MEGF11: variants seen among roughly 807,000 people sequenced by gnomAD.
MEGF11 encodes multiple epidermal growth factor-like domains protein 11.
MEGF11 carries 126 observed loss-of-function variants against 146.6 expected under a neutral mutation model. The ratio of observed to expected loss-of-function variants is 0.86; its 90% CI spans 0.74 to 1.00. The LOEUF is 1.00. Ranked by LOEUF, MEGF11 falls within the 50% of genes least tolerant of loss-of-function variation. The probability of loss-of-function intolerance (pLI) is 0.00; values close to 1 mark genes in which losing one functional copy is unlikely to be tolerated. For synonymous variants in MEGF11, 532 were observed against 583.4 expected, an observed-to-expected ratio of 0.91 and a Z score of 1.27; for missense variants, 1,509 against 1,521.2, an observed-to-expected ratio of 0.99 and a Z score of 0.13.
At chr15:66,081,059 C>T (rs960104679) in intron 5 of MEGF11, among the ~76,000 whole-genome samples, 7 of 152,246 alleles carry the variant, frequency 4.6e-5, no homozygotes, top group African/African-American at 1.4e-4. Context: ...TCTGCACACC[C>T]ACTGCACGCA....
chr15:66,082,955 C>G lies in MEGF11; in HGVS notation c.394+11447G>C, dbSNP rs559772665. ...TCTCCTTTTGGGACCCCTCACCTGT[C>G]CCAGGCCAGGGGCAGGGACCCAGGC... On this transcript the variant is annotated intron_variant, in intron 5 of 25. Coordinates refer to ENST00000395614, the MANE Select transcript of MEGF11 (RefSeq NM_001385028.1). Among the ~76,000 whole-genome samples, 10 of 152,278 alleles carry G rather than the reference C, an allele frequency of 6.6e-5. No homozygotes were observed. The South Asian group carries it at 1.9e-3, about 28-fold the overall frequency.
At chr15:65,993,642 G>A (rs2082119567) in intron 5 of MEGF11, among the ~76,000 whole-genome samples, 2 of 152,198 alleles carry the variant, frequency 1.3e-5, no homozygotes, top group African/African-American at 4.8e-5. Flanking sequence ...GTCTCAGGCT[G>A]TGTGGGGGCG....
intron 9 of MEGF11, among the ~76,000 whole-genome samples, chr15:65,959,149 C>T (rs148713428): frequency 6.6e-6 from 1 of 152,306 alleles, no homozygotes; most frequent in Non-Finnish European, 1.5e-5. Context: ...ACTGATTTAT[C>T]ATCTGTCTTC....
intron 1 of MEGF11, among the ~76,000 whole-genome samples, chr15:66,163,821 T>G (rs1036442439): frequency 6.6e-6 from 1 of 152,228 alleles, no homozygotes; most frequent in Non-Finnish European, 1.5e-5. Flanking sequence ...ATCAGTCCTC[T>G]GGGCCTCACC....
chr15:66,166,233 C>T (rs1026267798), intron 1 of MEGF11, among the ~76,000 whole-genome samples: 1 of 152,134 alleles, frequency 6.6e-6, no homozygotes, highest in Admixed American at 6.5e-5. Context: ...CCATGGGGAG[C>T]TCACCACCAT....
intron 1 of MEGF11, among the ~76,000 whole-genome samples, chr15:66,135,542 C>T (rs1314621202): frequency 6.6e-6 from 1 of 152,136 alleles, no homozygotes; most frequent in Admixed American, 6.5e-5. Context: ...CCCCTCCCTG[C>T]AGGAAGAGGC....
At chr15:66,086,830 T>C (rs1216992034) in intron 5 of MEGF11, among the ~76,000 whole-genome samples, 2 of 152,200 alleles carry the variant, frequency 1.3e-5, no homozygotes, top group African/African-American at 4.8e-5. Flanking sequence ...ACCTCACATT[T>C]CAATACTAAC....
intron 4 of MEGF11, among the ~76,000 whole-genome samples, chr15:66,095,645 C>A (rs1050699747): frequency 1.3e-5 from 2 of 152,180 alleles, no homozygotes; most frequent in Non-Finnish European, 2.9e-5. Flanking sequence ...CAGAAACTGA[C>A]CCCGAAGCTG....
chr15:66,140,350 T>C (rs2089085711), intron 1 of MEGF11, among the ~76,000 whole-genome samples: 2 of 152,336 alleles, frequency 1.3e-5, no homozygotes, highest in African/African-American at 4.8e-5. Flanking sequence ...TCCAACTCAG[T>C]AGGAAATTCA....
intron 4 of MEGF11, among the ~76,000 whole-genome samples, chr15:66,095,564 G>A (rs1175030287): frequency 6.6e-6 from 1 of 152,224 alleles, no homozygotes; most frequent in African/African-American, 2.4e-5. Context: ...ATGCCCACTG[G>A]GAAGATGCTG....
rs147366824 is a variant in MEGF11, at chr15:66,108,860, A to T, written c.301+10226T>A. On this transcript the variant is annotated intron_variant, in intron 4 of 25. Coordinates refer to ENST00000395614, the MANE Select transcript of MEGF11 (RefSeq NM_001385028.1). ...AGAGAAACTGGCGCTTAGACTGGGC[A>T]CAGGGTAGCCACTTCATGGGCTTCA... Among the ~76,000 whole-genome samples, 301 of 152,350 alleles carry T rather than the reference A, an allele frequency of 2.0e-3. 1 individual carries two copies. The highest frequency in any genetic ancestry group is 6.5e-3 in the African/African-American group (270 of 41,566).
intron 9 of MEGF11, among the ~76,000 whole-genome samples, chr15:65,958,692 CTCTT>C (rs2080749285): frequency 6.6e-6 from 1 of 152,228 alleles, no homozygotes. Flanking sequence ...TGGGTTAAGA[CTCTT>C]TCTCCCAACT....
intron 4 of MEGF11, among the ~76,000 whole-genome samples, chr15:66,096,931 C>G (rs1054850742): frequency 4.6e-5 from 7 of 152,166 alleles, no homozygotes; most frequent in South Asian, 2.1e-4. Flanking sequence ...CACCGCCCCC[C>G]ACACTGCAGA....
At chr15:66,027,640 A>G (rs1197243774) in intron 5 of MEGF11, among the ~76,000 whole-genome samples, 1 of 152,016 alleles carries the variant, frequency 6.6e-6, no homozygotes, top group Non-Finnish European at 1.5e-5. Context: ...GGAGCTTCAG[A>G]TCCTGGGCCC....
At chr15:65,964,270 C>G (rs189591662) in intron 9 of MEGF11, among the ~76,000 whole-genome samples, 2 of 152,312 alleles carry the variant, frequency 1.3e-5, no homozygotes, top group South Asian at 2.1e-4. Context: ...CCCGGATGTC[C>G]CCAAGCCACA....
chr15:66,079,537 A>ATCC (rs796735897), intron 5 of MEGF11, among the ~76,000 whole-genome samples: 3 of 122,060 alleles, frequency 2.5e-5, no homozygotes, highest in Admixed American at 1.7e-4. Flanking sequence ...CTTCATTCAC[A>ATCC]CCCCCCCCCC....
chr15:66,157,638 C>T lies in MEGF11; in HGVS notation c.-8-29227G>A, dbSNP rs563771221. On this transcript the variant is annotated intron_variant, in intron 1 of 25. Coordinates refer to ENST00000395614, the MANE Select transcript of MEGF11 (RefSeq NM_001385028.1). The stretch of plus-strand genomic sequence containing the variant: ...GGGGACATTGTTAGAAGCATTTAAG[C>T]AGGACTCCCAGCCCCCTAGCACCTG... 3.2e-4 allele frequency among the ~76,000 whole-genome samples: 49 copies of T among 152,348 alleles called. 1 individual carries two copies. The highest frequency in any genetic ancestry group is 7.7e-4 in the African/African-American group (32 of 41,574).
chr15:66,018,393 C>G (rs2082970434), intron 5 of MEGF11, among the ~76,000 whole-genome samples: 1 of 152,238 alleles, frequency 6.6e-6, no homozygotes, highest in African/African-American at 2.4e-5. Flanking sequence ...TCCCCTCCGA[C>G]TCCTCCCTGT....
intron 5 of MEGF11, among the ~76,000 whole-genome samples, chr15:66,066,644 C>A (rs564846198): frequency 2.0e-5 from 3 of 152,200 alleles, no homozygotes; most frequent in Non-Finnish European, 4.4e-5. Context: ...CCAAGCTCCA[C>A]GGCTGCGAGT....
Sources: gnomAD v4.1 joint callset for allele counts (sites outside exome capture counted in the v4.1 genomes callset) on GRCh38, gnomAD v4.1.1 for gene constraint, MANE v1.5 for transcripts, NCBI Gene and HGNC (gene_info 2026-07-23, HGNC 2026-07-21) for gene names.